Variants in DISP3 observed in about 807,000 individuals in gnomAD.
DISP3 encodes protein dispatched homolog 3.
A neutral mutation model predicts 135.3 loss-of-function variants in DISP3; 101 were observed. That is an observed-to-expected ratio of 0.75 (90% CI 0.64 to 0.88). The LOEUF is 0.88. DISP3 is among the 40% of genes least tolerant of loss of function. The pLI, the probability that DISP3 is intolerant of heterozygous loss-of-function variation, is 0.00. For missense variants in DISP3, 1,713 were observed against 1,878.6 expected (o/e 0.91, Z 1.63); for synonymous variants, 856 against 817.0 (o/e 1.05, Z -0.81).
rs1050288283 is a variant in DISP3 at position 11,536,828 on chromosome 1, A to G, written c.*142A>G. 5 of 1,140,734 alleles carry G rather than the reference A, an allele frequency of 4.4e-6. No homozygotes were observed. The African/African-American group carries it at 4.8e-5, about 11-fold the overall frequency. 70.7% of individuals were successfully genotyped at this position (1,140,734 alleles called of 1,614,324 possible). The stretch of plus-strand genomic sequence containing the variant: ...GGCCAGCGTGGAGGCTGACACCCAC[A>G]CAGATGGTGTGGACCATGCTGCCTT... On this transcript the variant is annotated 3_prime_UTR_variant, in exon 21 of 21. Coordinates refer to ENST00000294484, the MANE Select transcript of DISP3 (RefSeq NM_020780.2). This position sits in a 1 kb window ranked among gnomAD's most constrained non-coding sequence, Gnocchi z 4.3.
intron 1 of DISP3, among the ~76,000 whole-genome samples, chr1:11,493,736 A>G (rs1053029810): frequency 1.8e-4 from 27 of 151,940 alleles, no homozygotes; most frequent in African/African-American, 5.8e-4. Flanking sequence ...AAAAAAAAAA[A>G]TCTTATCTGG....
chr1:11,535,721 A>C, intron 20 of DISP3, 77 bp downstream of exon 20: 1 of 1,519,810 alleles, frequency 6.6e-7, no homozygotes, highest in African/African-American at 1.4e-5. Flanking sequence ...AGGGACCCTC[A>C]AGGGCAGCTG....
At chr1:11,517,368 TG>T in intron 6 of DISP3, 94 bp from the exon 7 acceptor site, 1 of 1,516,986 alleles carries the variant, frequency 6.6e-7, no homozygotes, top group East Asian at 2.3e-5. Context: ...GGGCCAGATC[TG>T]GGGTCCTGAG....
At chr1:11,509,939 A>C (rs1641812061) in intron 3 of DISP3, among the ~76,000 whole-genome samples, 1 of 152,128 alleles carries the variant, frequency 6.6e-6, no homozygotes, top group South Asian at 2.1e-4. Flanking sequence ...GTTACTAAAA[A>C]ATACAAAAAA....
chr1:11,532,297 G>A (rs1455237270), intron 17 of DISP3, among the ~76,000 whole-genome samples: 2 of 152,210 alleles, frequency 1.3e-5, no homozygotes, highest in Non-Finnish European at 2.9e-5. Context: ...TGCTGCCTCC[G>A]TGCAGAGACC....
chr1:11,532,094 G>A (rs2100514903), intron 17 of DISP3, among the ~76,000 whole-genome samples: 1 of 152,314 alleles, frequency 6.6e-6, no homozygotes, highest in Non-Finnish European at 1.5e-5. Flanking sequence ...GCCTCCCTTA[G>A]GGTGGCCAGG....
chr1:11,524,062 A>G lies in DISP3; in HGVS notation c.2476+7A>G, dbSNP rs1164710487. The G allele has an allele frequency of 6.3e-7, 1 of 1,594,860 alleles. No homozygotes were observed. The highest frequency in any genetic ancestry group is 8.6e-7 in the Non-Finnish European group (1 of 1,163,368). ...CCTGAGGCCACCCTGCAGGGTGAGC[A>G]CTGGGGGTGGAGGGTGGGGAAATCC... On this transcript the variant is annotated splice_region_variant and intron_variant, in intron 11 of 20. Transcript: ENST00000294484.
rs1642563581 is a variant in DISP3, at chr1:11,531,039, TG to T, written c.3229+10del. 2.5e-6 allele frequency: 4 copies of T among 1,612,750 alleles called. No homozygotes were observed. Among genetic ancestry groups the T allele is most frequent in the Non-Finnish European group, 3.4e-6 (4 of 1,179,748 alleles). On this transcript the variant is annotated splice_region_variant and intron_variant, in intron 16 of 20. Transcript: ENST00000294484. This position sits in a 1 kb window ranked among gnomAD's most constrained non-coding sequence, Gnocchi z 5.2. ...GGCCCAGTGCCTGCCTTCAGGTGCG[TG>T]GGGTGTGGGGAGCTGGTTCCTCCGA...
At chr1:11,509,181 T>G (rs1347097985) in intron 3 of DISP3, among the ~76,000 whole-genome samples, 2 of 152,172 alleles carry the variant, frequency 1.3e-5, no homozygotes, top group Non-Finnish European at 2.9e-5. Flanking sequence ...AAGTGTGTTA[T>G]TTAGTTTTCG....
intron 7 of DISP3, among the ~76,000 whole-genome samples, chr1:11,518,568 G>A (rs185610113): frequency 4.7e-4 from 71 of 152,280 alleles, no homozygotes; most frequent in Non-Finnish European, 8.4e-4. Context: ...TAAGCCCCAC[G>A]TCTGCCCCCC....
chr1:11,526,933 A>C (rs1570141880), intron 13 of DISP3, 98 bp downstream of exon 13: 1 of 1,351,536 alleles, frequency 7.4e-7, no homozygotes, highest in Non-Finnish European at 9.8e-7. Context: ...GGATGCCAGC[A>C]GGCCCCCTCA....
In DISP3 at chr1:11,537,304, A is replaced by G. The variant is rs1285366971; in HGVS notation, c.*618A>G. ...CTCCCTGGGCCTTTTGGTCTTGGCC[A>G]GAGAAGACAGAAGGACCCGGCTTGG... On this transcript the variant is annotated 3_prime_UTR_variant, in exon 21 of 21. Coordinates refer to ENST00000294484, the MANE Select transcript of DISP3 (RefSeq NM_020780.2). 1 of 142,400 alleles carries G rather than the reference A, an allele frequency of 7.0e-6. No homozygotes were observed. Among genetic ancestry groups the G allele is most frequent in the Non-Finnish European group, 1.5e-5 (1 of 66,196 alleles). The allele number at this position is 142,400 out of a possible 1,614,324, so 8.8% of individuals were successfully genotyped here. A position where few individuals can be genotyped will look rare whatever the true frequency, so the allele number is the denominator to read the frequency against.
rs1642578637 is a variant in DISP3 at position 11,531,623 on chromosome 1, G to T, written c.3288G>T (p.Glu1096Asp). 5.6e-6 allele frequency: 9 copies of T among 1,613,402 alleles called. No homozygotes were observed. The highest frequency in any genetic ancestry group is 6.8e-6 in the Non-Finnish European group (8 of 1,179,938). The part of the protein sequence containing the change: ...MLHPECKELP[E>D]PNLLPGQLSH... ...ACCCTGAGTGCAAGGAGCTGCCCGA[G>T]CCCAACCTGCTCCCGGGGCAGCTGT... The change falls in exon 17 of 21, where the codon GAG becomes GAT. Residue 1096 changes from glutamate to aspartate, a missense_variant. Physicochemically the swap from Glu to Asp is conservative, Grantham distance 45. Transcript: ENST00000294484. This position sits in a 1 kb window ranked among gnomAD's most constrained non-coding sequence, Gnocchi z 5.2.
intron 2 of DISP3, 107 bp downstream of exon 2, chr1:11,502,195 CTG>C (rs1641562277): frequency 6.9e-7 from 1 of 1,450,334 alleles, no homozygotes; most frequent in Admixed American, 2.6e-5. Flanking sequence ...CCCAGTCAGT[CTG>C]GAACTGAGTC....
At position 11,524,391 on chromosome 1, in the gene DISP3, G is replaced by A. The variant is rs79682452; in HGVS notation, c.2476+336G>A. Among the ~76,000 whole-genome samples, 34 of 152,102 alleles carry A rather than the reference G, an allele frequency of 2.2e-4. No individual in the cohort carries two copies. In the East Asian group the frequency reaches 6.6e-3, roughly 29 times the overall value. ...AGTCTCCCTCAGAGGTGGGTGCTGG[G>A]TCAAGTGTACTGGGGGAATGAATGC... On this transcript the variant is annotated intron_variant, in intron 11 of 20. Coordinates refer to ENST00000294484, the MANE Select transcript of DISP3 (RefSeq NM_020780.2).
At chr1:11,533,246 ACTGTTT>A (rs1570151690) in intron 17 of DISP3, among the ~76,000 whole-genome samples, 2 of 135,732 alleles carry the variant, frequency 1.5e-5, no homozygotes, top group East Asian at 2.3e-4. Flanking sequence ...TCCTTTGGTG[ACTGTTT>A]CTTTTTTTTT....
In DISP3 at chr1:11,531,446, C is replaced by G. The variant is rs1005743799; in HGVS notation, c.3230-119C>G. On this transcript the variant is annotated intron_variant, in intron 16 of 20. Coordinates refer to ENST00000294484, the MANE Select transcript of DISP3 (RefSeq NM_020780.2). This position sits in a 1 kb window ranked among gnomAD's most constrained non-coding sequence, Gnocchi z 5.2. ...TGTTGTAGGTTTCCCAATGCCGTTG[C>G]CAATGGTTACAAGCACTCTAAGCCT... The G allele has an allele frequency of 7.0e-7, 1 of 1,429,110 alleles. No individual in the cohort carries two copies. Among genetic ancestry groups the G allele is most frequent in the South Asian group, 1.2e-5 (1 of 81,306 alleles). 88.5% of individuals were successfully genotyped at this position (1,429,110 alleles called of 1,614,324 possible).
At chr1:11,524,913 C>T (rs1642367268) in intron 11 of DISP3, among the ~76,000 whole-genome samples, 3 of 141,078 alleles carry the variant, frequency 2.1e-5, no homozygotes, top group South Asian at 5.0e-4. Context: ...CCCCCACCAT[C>T]CCTGCCACCC....
At chr1:11,486,061 G>C (rs1250495072) in intron 1 of DISP3, among the ~76,000 whole-genome samples, 2 of 152,160 alleles carry the variant, frequency 1.3e-5, no homozygotes, top group Non-Finnish European at 2.9e-5. Context: ...CTGACCATTT[G>C]CTTCTCGACT....
Sources: gnomAD v4.1 joint callset for allele counts (sites outside exome capture counted in the v4.1 genomes callset) on GRCh38, gnomAD v4.1.1 for gene constraint, Gnocchi (gnomAD v3.1) non-coding constraint, MANE v1.5 for transcripts, NCBI Gene and HGNC (gene_info 2026-07-23, HGNC 2026-07-21) for gene names.